The following LRRTM4 variants were observed in gnomAD, a reference collection of about 807,000 sequenced individuals.
The protein encoded by LRRTM4 is leucine-rich repeat transmembrane neuronal protein 4.
LRRTM4 carries 25 observed loss-of-function variants against 47.6 expected under a neutral mutation model. That is an observed-to-expected ratio of 0.53 (90% confidence interval 0.38 to 0.73). The LOEUF is 0.73. Among genes scored for constraint, LRRTM4 ranks in the 30% least tolerant of loss-of-function variants. The pLI, the probability that LRRTM4 is intolerant of heterozygous loss-of-function variation, is 0.00. For synonymous variants in LRRTM4, 311 were observed against 269.5 expected (o/e 1.15, Z -1.51); for missense variants, 638 against 713.4 (o/e 0.89, Z 1.20).
chr2:76,953,756 G>C (rs894646714), intron 3 of LRRTM4, among the ~76,000 whole-genome samples: 2 of 151,956 alleles, frequency 1.3e-5, no homozygotes, highest in Non-Finnish European at 2.9e-5. Flanking sequence ...AAAAAGTAGA[G>C]TAGAATGTGC....
chr2:77,289,043 T>C (rs1482881793), intron 3 of LRRTM4, among the ~76,000 whole-genome samples: 1 of 152,132 alleles, frequency 6.6e-6, no homozygotes, highest in African/African-American at 2.4e-5. Flanking sequence ...ACACTTATAA[T>C]ACGGAGTTTA....
chr2:77,121,268 T>C (rs1255206332), intron 3 of LRRTM4, among the ~76,000 whole-genome samples: 1 of 151,810 alleles, frequency 6.6e-6, no homozygotes, highest in Non-Finnish European at 1.5e-5. Flanking sequence ...TATCTAATGA[T>C]TTTTATCCTC....
intron 3 of LRRTM4, among the ~76,000 whole-genome samples, chr2:76,960,564 CAA>C (rs1675821933): frequency 4.0e-5 from 6 of 151,294 alleles, no homozygotes; most frequent in Admixed American, 1.3e-4. Flanking sequence ...ATCTTCAACT[CAA>C]ATACTCAATT....
chr2:77,027,678 C>A (rs542141859), intron 3 of LRRTM4, among the ~76,000 whole-genome samples: 1 of 152,012 alleles, frequency 6.6e-6, no homozygotes, highest in East Asian at 1.9e-4. Flanking sequence ...AGTGAATTGC[C>A]GAAAGGATAA....
At chr2:77,273,542 G>A (rs182632511) in intron 3 of LRRTM4, among the ~76,000 whole-genome samples, 44 of 152,162 alleles carry the variant, frequency 2.9e-4, no homozygotes, top group Admixed American at 2.8e-3. Context: ...ATATAAGTGG[G>A]GGTTATTATT....
intron 3 of LRRTM4, among the ~76,000 whole-genome samples, chr2:77,490,624 T>TAATAA (rs760488048): frequency 2.0e-5 from 3 of 150,666 alleles, no homozygotes; most frequent in African/African-American, 7.3e-5. Context: ...TCAAAAATAA[T>TAATAA]AAAAAAAAAC....
chr2:77,107,569 A>G (rs918321573), intron 3 of LRRTM4, among the ~76,000 whole-genome samples: 1 of 152,152 alleles, frequency 6.6e-6, no homozygotes, highest in South Asian at 2.1e-4. Context: ...CTGTAATCCC[A>G]GCACTTCGGG....
At chr2:77,194,601 A>G (rs1673762006) in intron 3 of LRRTM4, among the ~76,000 whole-genome samples, 1 of 152,236 alleles carries the variant, frequency 6.6e-6, no homozygotes, top group South Asian at 2.1e-4. Context: ...GCTTGCTGGT[A>G]AGTTACTGTG....
chr2:77,045,034 C>G (rs751040461), intron 3 of LRRTM4, among the ~76,000 whole-genome samples: 1 of 151,686 alleles, frequency 6.6e-6, no homozygotes, highest in Non-Finnish European at 1.5e-5. Flanking sequence ...TGTGAGGTAC[C>G]TGCCTTTTAA....
chr2:77,410,899 G>A (rs1484856446), intron 3 of LRRTM4, among the ~76,000 whole-genome samples: 1 of 152,028 alleles, frequency 6.6e-6, no homozygotes, highest in Non-Finnish European at 1.5e-5. Flanking sequence ...TAACTATCTT[G>A]GGCTCAATTC....
intron 3 of LRRTM4, among the ~76,000 whole-genome samples, chr2:76,844,280 G>A (rs56720568): frequency 0.13 from 20,351 of 151,664 alleles, 1,674 homozygotes; most frequent in East Asian, 0.33. Flanking sequence ...GACTACAGAC[G>A]CATGCCACCA....
At chr2:76,924,505 T>C (rs1018119027) in intron 3 of LRRTM4, among the ~76,000 whole-genome samples, 3 of 151,986 alleles carry the variant, frequency 2.0e-5, no homozygotes, top group African/African-American at 7.3e-5. Context: ...ATTTAAAAGA[T>C]ATTGCTAAAC....
intron 3 of LRRTM4, among the ~76,000 whole-genome samples, chr2:77,345,742 G>A (rs1386712089): frequency 6.6e-6 from 1 of 151,314 alleles, no homozygotes; most frequent in Non-Finnish European, 1.5e-5. Flanking sequence ...CCATTTGGAA[G>A]TTTTTTTTAA....
intron 3 of LRRTM4, among the ~76,000 whole-genome samples, chr2:76,900,460 A>G (rs948128601): frequency 1.3e-5 from 2 of 152,084 alleles, no homozygotes; most frequent in African/African-American, 4.8e-5. Context: ...TAAGTTATAT[A>G]TTTATGTTTT....
At chr2:77,166,100 T>G (rs1384186563) in intron 3 of LRRTM4, among the ~76,000 whole-genome samples, 3 of 152,216 alleles carry the variant, frequency 2.0e-5, no homozygotes, top group African/African-American at 7.2e-5. Flanking sequence ...GATAAGCAAC[T>G]TCAGCAAAGT....
At chr2:77,316,825 C>T (rs997250840) in intron 3 of LRRTM4, among the ~76,000 whole-genome samples, 1 of 152,174 alleles carries the variant, frequency 6.6e-6, no homozygotes, top group East Asian at 1.9e-4. Flanking sequence ...AGATTATATG[C>T]GTGAGCCACT....
intron 3 of LRRTM4, among the ~76,000 whole-genome samples, chr2:77,363,351 G>A (rs1353465073): frequency 6.6e-6 from 1 of 152,096 alleles, no homozygotes; most frequent in African/African-American, 2.4e-5. Context: ...TAATAAAACT[G>A]TAGTCAAGAA....
At chr2:76,917,398 A>G (rs977629221) in intron 3 of LRRTM4, among the ~76,000 whole-genome samples, 1 of 152,162 alleles carries the variant, frequency 6.6e-6, no homozygotes, top group Non-Finnish European at 1.5e-5. Context: ...AAACAAAAGT[A>G]TATGTATTGT....
chr2:76,863,210 C>T (rs1340621883), intron 3 of LRRTM4, among the ~76,000 whole-genome samples: 2 of 152,142 alleles, frequency 1.3e-5, no homozygotes, highest in South Asian at 2.1e-4. Context: ...CAGGTACATG[C>T]ATAAGATAAT....
Sources: allele counts gnomAD v4.1 joint callset (sites outside exome capture counted in the v4.1 genomes callset), GRCh38; gene constraint gnomAD v4.1.1; transcripts MANE v1.5; gene names NCBI Gene and HGNC (gene_info 2026-07-23, HGNC 2026-07-21).